CDC123: variants seen among roughly 807,000 people sequenced by gnomAD.
The protein encoded by CDC123 is translation initiation factor eIF2 assembly protein.
In CDC123, 37 loss-of-function variants were observed where a neutral mutation model predicts 54.4. That is an observed-to-expected ratio of 0.68 (90% CI 0.52 to 0.89). The LOEUF (loss-of-function observed/expected upper bound fraction) is 0.89. Among genes scored for constraint, CDC123 ranks in the 40% least tolerant of loss-of-function variants. The pLI, the probability that CDC123 is intolerant of heterozygous loss-of-function variation, is 0.00. For missense variants in CDC123, 361 were observed against 412.1 expected (o/e 0.88, Z 1.07); for synonymous variants, 144 against 136.8 (o/e 1.05, Z -0.37).
At chr10:12,214,461 TTACTC>T (rs1468957289) in intron 4 of CDC123, among the ~76,000 whole-genome samples, 1 of 152,196 alleles carries the variant, frequency 6.6e-6, no homozygotes, top group Non-Finnish European at 1.5e-5. Flanking sequence ...CCTCTCTAAA[TTACTC>T]TAGTCTCATT....
chr10:12,218,256 T>C (rs1185873697), intron 6 of CDC123, among the ~76,000 whole-genome samples: 1 of 147,280 alleles, frequency 6.8e-6, no homozygotes, highest in African/African-American at 2.5e-5. Flanking sequence ...TCTTTTTTTT[T>C]TTTTTTTTGA....
intron 7 of CDC123, among the ~76,000 whole-genome samples, chr10:12,232,125 G>A (rs758149189): frequency 1.3e-5 from 2 of 152,084 alleles, no homozygotes; most frequent in Non-Finnish European, 2.9e-5. Flanking sequence ...GGGATTACAG[G>A]CGTGAACCAC....
chr10:12,237,465 TACTC>T (rs1194031222), intron 9 of CDC123, 199 bp downstream of exon 9: 2 of 343,520 alleles, frequency 5.8e-6, no homozygotes, highest in Non-Finnish European at 9.2e-6. Flanking sequence ...GAGACAGTCT[TACTC>T]TGTCAGCCAG....
At chr10:12,232,782 A>G in intron 7 of CDC123, among the ~76,000 whole-genome samples, 1 of 124,372 alleles carries the variant, frequency 8.0e-6, no homozygotes. Context: ...TCATTTCCTT[A>G]CCTTTCTTTT....
At chr10:12,223,625 T>TTTAGGG in intron 6 of CDC123, among the ~76,000 whole-genome samples, 1 of 152,160 alleles carries the variant, frequency 6.6e-6, no homozygotes, top group Non-Finnish European at 1.5e-5. Flanking sequence ...AGCATGTCAG[T>TTTAGGG]CCCAAGGCAT....
chr10:12,224,019 AC>A (rs1835771784), intron 6 of CDC123, among the ~76,000 whole-genome samples: 2 of 151,752 alleles, frequency 1.3e-5, no homozygotes, highest in African/African-American at 4.8e-5. Flanking sequence ...GCCAACCCTC[AC>A]CCTTTCCCCT....
intron 8 of CDC123, among the ~76,000 whole-genome samples, chr10:12,236,060 T>G (rs942627955): frequency 6.6e-6 from 1 of 152,184 alleles, no homozygotes; most frequent in Non-Finnish European, 1.5e-5. Context: ...CCAAGTAGCA[T>G]GTATGAACAA....
At chr10:12,197,210 G>C (rs1003529803) in intron 1 of CDC123, among the ~76,000 whole-genome samples, 7 of 152,110 alleles carry the variant, frequency 4.6e-5, no homozygotes, top group African/African-American at 1.7e-4. Context: ...AGGCTTATTT[G>C]TAATCAGCAA....
At chr10:12,233,967 TAGTG>T (rs1000007864) in intron 7 of CDC123, among the ~76,000 whole-genome samples, 9 of 152,136 alleles carry the variant, frequency 5.9e-5, no homozygotes, top group East Asian at 5.8e-4. Flanking sequence ...ATTGAGAAAA[TAGTG>T]AGAGAGTTAT....
intron 2 of CDC123, among the ~76,000 whole-genome samples, chr10:12,205,946 C>A (rs1199721616): frequency 6.6e-6 from 1 of 151,900 alleles, no homozygotes; most frequent in African/African-American, 2.4e-5. Flanking sequence ...CTACAGGTGC[C>A]TGCGACCACG....
At chr10:12,213,431 G>A (rs866467122) in intron 4 of CDC123, among the ~76,000 whole-genome samples, 15 of 152,176 alleles carry the variant, frequency 9.9e-5, no homozygotes, top group East Asian at 1.9e-4. Context: ...TTTCAAAAAC[G>A]TCAAGGTCAT....
intron 6 of CDC123, among the ~76,000 whole-genome samples, chr10:12,218,109 A>G (rs1310189463): frequency 6.6e-6 from 1 of 152,134 alleles, no homozygotes; most frequent in Non-Finnish European, 1.5e-5. Flanking sequence ...CAAAAACAAA[A>G]GCACTCATGA....
chr10:12,199,076 T>C (rs1460206434), intron 2 of CDC123, among the ~76,000 whole-genome samples: 1 of 152,204 alleles, frequency 6.6e-6, no homozygotes, highest in East Asian at 1.9e-4. Flanking sequence ...AAGTACATAT[T>C]AAAATTCTTT....
intron 7 of CDC123, among the ~76,000 whole-genome samples, chr10:12,232,817 T>C (rs535237235): frequency 2.0e-5 from 3 of 151,376 alleles, no homozygotes; most frequent in Non-Finnish European, 4.4e-5. Flanking sequence ...AGAGTCTTGC[T>C]CTGTCACCCA....
intron 8 of CDC123, among the ~76,000 whole-genome samples, chr10:12,236,037 C>G (rs1340588465): frequency 6.6e-6 from 1 of 152,180 alleles, no homozygotes. Context: ...TGAACGAGAG[C>G]AGGCTGTGAA....
At chr10:12,237,467 C>T (rs2131761259) in intron 9 of CDC123, 1 of 334,764 alleles carries the variant, frequency 3.0e-6, no homozygotes, top group East Asian at 7.4e-5. Flanking sequence ...GACAGTCTTA[C>T]TCTGTCAGCC....
At chr10:12,203,560 T>A (rs1835472530) in intron 2 of CDC123, among the ~76,000 whole-genome samples, 1 of 152,104 alleles carries the variant, frequency 6.6e-6, no homozygotes, top group Non-Finnish European at 1.5e-5. Context: ...TCTCGTTGCC[T>A]GCTGTGGGTG....
At chr10:12,206,363 A>G (rs1835519175) in intron 2 of CDC123, among the ~76,000 whole-genome samples, 2 of 152,388 alleles carry the variant, frequency 1.3e-5, no homozygotes, top group Middle Eastern at 3.4e-3. Context: ...ATTATGTGGC[A>G]TTTAAAGAGA....
chr10:12,236,924 AAG>A (rs1835984721), intron 8 of CDC123, among the ~76,000 whole-genome samples: 1 of 151,554 alleles, frequency 6.6e-6, no homozygotes, highest in South Asian at 2.1e-4. Context: ...ACAAAACAAA[AAG>A]TAAATTCTTC....
Sources: allele counts gnomAD v4.1 joint callset (sites outside exome capture counted in the v4.1 genomes callset), GRCh38; gene constraint gnomAD v4.1.1; transcripts MANE v1.5; gene names NCBI Gene and HGNC (gene_info 2026-07-23, HGNC 2026-07-21).